KCNMA1: variants seen among roughly 807,000 people sequenced by gnomAD.
KCNMA1 encodes the protein potassium calcium-activated channel subfamily M alpha 1, also known as Calcium-activated potassium channel subunit alpha-1.
A neutral mutation model predicts 140.0 loss-of-function variants in KCNMA1; 29 were observed. The observed-to-expected ratio is 0.21, with a 90% CI of 0.15 to 0.28. The LOEUF (loss-of-function observed/expected upper bound fraction) is 0.28. Ranked by LOEUF, KCNMA1 falls within the 10% of genes least tolerant of loss-of-function variation. The probability of loss-of-function intolerance (pLI) is 1.00; values close to 1 mark genes in which losing one functional copy is unlikely to be tolerated. For synonymous variants in KCNMA1, 612 were observed against 611.9 expected (o/e 1.00, Z 0.00); for missense variants, 880 against 1,602.2 (o/e 0.55, Z 7.70).
intron 1 of KCNMA1, among the ~76,000 whole-genome samples, chr10:77,464,699 C>T (rs550378091): frequency 3.3e-5 from 5 of 152,118 alleles, no homozygotes; most frequent in Non-Finnish European, 5.9e-5. Flanking sequence ...GCCAGGCTCC[C>T]GGCCCTCTAA....
chr10:77,391,240 G>A (rs908027018), intron 2 of KCNMA1, among the ~76,000 whole-genome samples: 8 of 152,126 alleles, frequency 5.3e-5, no homozygotes, highest in African/African-American at 1.9e-4. Context: ...GGGACGTGGT[G>A]CAAACAGGTT....
intron 5 of KCNMA1, among the ~76,000 whole-genome samples, chr10:77,163,009 G>A (rs1319275751): frequency 6.6e-6 from 1 of 152,142 alleles, no homozygotes; most frequent in Non-Finnish European, 1.5e-5. Flanking sequence ...GTCTGCTACA[G>A]AGCCTGACAT....
chr10:76,958,053 C>T (rs1458969996), intron 20 of KCNMA1, among the ~76,000 whole-genome samples: 1 of 152,186 alleles, frequency 6.6e-6, no homozygotes, highest in Non-Finnish European at 1.5e-5. Context: ...TCTAAAGCTT[C>T]TATTGCTAGA....
chr10:77,627,630 T>C (rs2092692805), intron 1 of KCNMA1, among the ~76,000 whole-genome samples: 2 of 152,230 alleles, frequency 1.3e-5, no homozygotes, highest in South Asian at 4.1e-4. Flanking sequence ...ACTGCGGACA[T>C]GGAAACACCA....
chr10:77,549,682 T>A (rs935852776), intron 1 of KCNMA1, among the ~76,000 whole-genome samples: 2 of 152,256 alleles, frequency 1.3e-5, no homozygotes, highest in Non-Finnish European at 2.9e-5. Flanking sequence ...TCCTTTTTTC[T>A]GTCTCCACAT....
At chr10:77,362,069 A>G (rs1016237971) in intron 2 of KCNMA1, among the ~76,000 whole-genome samples, 1 of 152,110 alleles carries the variant, frequency 6.6e-6, no homozygotes, top group Admixed American at 6.5e-5. Context: ...TTAGAGCCTC[A>G]GCTGCCTCTC....
chr10:77,086,448 C>A, intron 11 of KCNMA1, 40 bp downstream of exon 11: 1 of 1,481,448 alleles, frequency 6.8e-7, no homozygotes, highest in South Asian at 1.1e-5. Context: ...AGACCCACAC[C>A]AAGATGGAAT....
chr10:77,290,480 CT>C (rs1338175814), intron 2 of KCNMA1, among the ~76,000 whole-genome samples: 1 of 152,156 alleles, frequency 6.6e-6, no homozygotes, highest in Non-Finnish European at 1.5e-5. Context: ...AGCCAGTGCC[CT>C]TCGTACTCCA....
intron 1 of KCNMA1, among the ~76,000 whole-genome samples, chr10:77,415,366 G>A (rs1185740409): frequency 2.0e-5 from 3 of 152,160 alleles, no homozygotes; most frequent in Non-Finnish European, 4.4e-5. Flanking sequence ...GATTAGTAGA[G>A]TCCTCAGCCA....
At chr10:77,402,949 G>C (rs1398427683) in intron 2 of KCNMA1, among the ~76,000 whole-genome samples, 2 of 152,164 alleles carry the variant, frequency 1.3e-5, no homozygotes, top group Non-Finnish European at 2.9e-5. Flanking sequence ...TCCTGACCCA[G>C]AGCAGACCCA....
chr10:76,985,767 G>A (rs563335116), intron 19 of KCNMA1, among the ~76,000 whole-genome samples: 2 of 152,290 alleles, frequency 1.3e-5, no homozygotes, highest in Non-Finnish European at 2.9e-5. Context: ...AAGTACCCAA[G>A]AAAGGCACAT....
chr10:77,403,507 T>C lies in KCNMA1; in HGVS notation c.540+355A>G, dbSNP rs538063692. On this transcript the variant is annotated intron_variant, in intron 2 of 27. Transcript: ENST00000286628. ...CTCAGCACTCCCCAGGATCCCCGCA[T>C]TTGTAGCCCTTCCATGAGTTTCTGG... 2.0e-5 allele frequency among the ~76,000 whole-genome samples: 3 copies of C among 152,122 alleles called. No individual in the cohort carries two copies. The South Asian group carries it at 6.2e-4, about 31-fold the overall frequency.
chr10:77,349,103 C>T (rs1252914958), intron 2 of KCNMA1, among the ~76,000 whole-genome samples: 2 of 152,142 alleles, frequency 1.3e-5, no homozygotes, highest in Non-Finnish European at 2.9e-5. Flanking sequence ...TATGCCTGCC[C>T]ACCCCCAATT....
At chr10:77,297,674 A>G (rs1012288492) in intron 2 of KCNMA1, among the ~76,000 whole-genome samples, 1 of 152,202 alleles carries the variant, frequency 6.6e-6, no homozygotes, top group Non-Finnish European at 1.5e-5. Context: ...TCCCCAAGAC[A>G]GATGGTATAA....
intron 1 of KCNMA1, among the ~76,000 whole-genome samples, chr10:77,427,248 G>A (rs955036682): frequency 1.3e-5 from 2 of 152,216 alleles, no homozygotes; most frequent in African/African-American, 4.8e-5. Context: ...GTCAATACAG[G>A]CTGGGAATCA....
At chr10:77,534,455 G>A (rs773512431) in intron 1 of KCNMA1, among the ~76,000 whole-genome samples, 2 of 152,152 alleles carry the variant, frequency 1.3e-5, no homozygotes, top group Non-Finnish European at 2.9e-5. Context: ...TAACCAACTG[G>A]TGTCCTAGGA....
intron 1 of KCNMA1, among the ~76,000 whole-genome samples, chr10:77,595,102 T>C (rs917703325): frequency 6.6e-6 from 1 of 152,140 alleles, no homozygotes; most frequent in Non-Finnish European, 1.5e-5. Flanking sequence ...TCCCAGCACT[T>C]TGGGAGGCCA....
chr10:77,354,868 A>T (rs995483761), intron 2 of KCNMA1, among the ~76,000 whole-genome samples: 1 of 152,224 alleles, frequency 6.6e-6, no homozygotes, highest in Non-Finnish European at 1.5e-5. Flanking sequence ...TTACTGCCCA[A>T]AAAAGAGAGA....
At chr10:77,550,762 T>C (rs962849626) in intron 1 of KCNMA1, among the ~76,000 whole-genome samples, 4 of 152,178 alleles carry the variant, frequency 2.6e-5, no homozygotes, top group Non-Finnish European at 5.9e-5. Flanking sequence ...GTTAGGTCCA[T>C]GAAGGCAGAT....
Sources: allele counts gnomAD v4.1 joint callset (sites outside exome capture counted in the v4.1 genomes callset), GRCh38; gene constraint gnomAD v4.1.1; transcripts MANE v1.5; gene names NCBI Gene and HGNC (gene_info 2026-07-23, HGNC 2026-07-21).